Variants in PLPPR1 observed in about 807,000 individuals in gnomAD.
PLPPR1 encodes phospholipid phosphatase-related protein type 1.
PLPPR1 carries 10 observed loss-of-function variants against 33.1 expected under a neutral mutation model. The observed-to-expected ratio is 0.30, with a 90% confidence interval of 0.19 to 0.51. The LOEUF is 0.51. PLPPR1 is among the 20% of genes least tolerant of loss of function. PLPPR1 has a pLI of 0.97. For synonymous variants in PLPPR1, 151 were observed against 151.0 expected (o/e 1.00, Z 0.00); for missense variants, 304 against 408.1 (o/e 0.74, Z 2.20).
intron 7 of PLPPR1, among the ~76,000 whole-genome samples, chr9:101,319,420 T>G (rs1022280099): frequency 1.3e-5 from 2 of 152,160 alleles, no homozygotes; most frequent in Non-Finnish European, 2.9e-5. Flanking sequence ...CTTTTTACCT[T>G]TAATTAAATC....
At chr9:101,182,822 C>A (rs779599343) in intron 1 of PLPPR1, among the ~76,000 whole-genome samples, 2 of 151,478 alleles carry the variant, frequency 1.3e-5, no homozygotes, top group Non-Finnish European at 3.0e-5. Context: ...AACAACCCAA[C>A]CACAAAAGGT....
chr9:101,252,037 C>T (rs2118866786), intron 2 of PLPPR1, among the ~76,000 whole-genome samples: 1 of 152,192 alleles, frequency 6.6e-6, no homozygotes, highest in Admixed American at 6.5e-5. Context: ...TTATATATTA[C>T]AATATTCTAT....
intron 5 of PLPPR1, among the ~76,000 whole-genome samples, chr9:101,311,536 G>A (rs1828956025): frequency 6.6e-6 from 1 of 152,176 alleles, no homozygotes; most frequent in Non-Finnish European, 1.5e-5. Context: ...ATAATAGCAT[G>A]AACAACTGAA....
chr9:101,230,025 C>T (rs996091959), intron 2 of PLPPR1, among the ~76,000 whole-genome samples: 1 of 152,120 alleles, frequency 6.6e-6, no homozygotes, highest in African/African-American at 2.4e-5. Context: ...CTCCATGTCA[C>T]ACTGTCAGAG....
At position 101,076,076 on chromosome 9, in the gene PLPPR1, G is replaced by T. The variant is rs541664596; in HGVS notation, c.-46+46974G>T. ...AGCAGGTACAGCAGTGGTTCTCAAA[G>T]TGCAGTCACTGGACCAGCAGCATCA... On this transcript the variant is annotated intron_variant, in intron 1 of 7. Transcript: ENST00000374874. 2.0e-5 allele frequency among the ~76,000 whole-genome samples: 3 copies of T among 152,248 alleles called. No homozygotes were observed. In the South Asian group the frequency reaches 6.2e-4, roughly 32 times the overall value.
intron 3 of PLPPR1, among the ~76,000 whole-genome samples, chr9:101,278,175 A>G (rs967711191): frequency 4.6e-5 from 7 of 152,232 alleles, no homozygotes; most frequent in Non-Finnish European, 1.0e-4. Context: ...TCCTTAAAAT[A>G]CAAAATTATA....
intron 1 of PLPPR1, among the ~76,000 whole-genome samples, chr9:101,128,311 T>C (rs1228181717): frequency 6.6e-6 from 1 of 152,238 alleles, no homozygotes; most frequent in African/African-American, 2.4e-5. Flanking sequence ...TGTATCTTTA[T>C]AGATTTTTGT....
intron 1 of PLPPR1, among the ~76,000 whole-genome samples, chr9:101,088,060 C>A (rs1204221975): frequency 6.6e-6 from 1 of 152,088 alleles, no homozygotes; most frequent in Non-Finnish European, 1.5e-5. Flanking sequence ...AGAAGAGGAC[C>A]CTTACTGATA....
chr9:101,311,337 T>C (rs1366945378), intron 5 of PLPPR1, among the ~76,000 whole-genome samples: 3 of 152,210 alleles, frequency 2.0e-5, no homozygotes, highest in African/African-American at 7.2e-5. Flanking sequence ...TAAACCCTGA[T>C]ATAAGATTCC....
intron 1 of PLPPR1, among the ~76,000 whole-genome samples, chr9:101,146,756 T>A (rs754340263): frequency 1.1e-4 from 17 of 152,206 alleles, no homozygotes; most frequent in Non-Finnish European, 2.1e-4. Flanking sequence ...TTCTCAGTGA[T>A]GACACAGGCC....
intron 7 of PLPPR1, among the ~76,000 whole-genome samples, chr9:101,320,181 G>A (rs1383319961): frequency 6.6e-6 from 1 of 152,212 alleles, no homozygotes; most frequent in African/African-American, 2.4e-5. Context: ...TCTCAAACCT[G>A]TCAACAGATC....
chr9:101,111,049 A>T (rs1362722759), intron 1 of PLPPR1, among the ~76,000 whole-genome samples: 1 of 152,146 alleles, frequency 6.6e-6, no homozygotes, highest in East Asian at 1.9e-4. Flanking sequence ...GTCATAAAGG[A>T]ATATTAATCA....
chr9:101,150,239 A>G (rs1263399784), intron 1 of PLPPR1, among the ~76,000 whole-genome samples: 1 of 151,998 alleles, frequency 6.6e-6, no homozygotes, highest in East Asian at 1.9e-4. Flanking sequence ...TTTGAGATTT[A>G]TTTGTAGAAT....
intron 3 of PLPPR1, among the ~76,000 whole-genome samples, chr9:101,277,271 C>T (rs1160237114): frequency 6.6e-6 from 1 of 152,188 alleles, no homozygotes; most frequent in African/African-American, 2.4e-5. Flanking sequence ...ATATAAAGAA[C>T]TCTCTCCTCT....
intron 4 of PLPPR1, among the ~76,000 whole-genome samples, chr9:101,306,723 C>A (rs146520006): frequency 1.3e-5 from 2 of 152,122 alleles, no homozygotes; most frequent in African/African-American, 4.8e-5. Flanking sequence ...TGAAAAATAT[C>A]TATTAAAAAA....
At position 101,091,849 on chromosome 9, in the gene PLPPR1, T is replaced by C. The variant is rs184055479; in HGVS notation, c.-46+62747T>C. ...TCCAGTTTCCTTTTCCTTTCTTGTC[T>C]TGACTTGCAATTCGGATCTCATCAA... On this transcript the variant is annotated intron_variant, in intron 1 of 7. Transcript: ENST00000374874. Among the ~76,000 whole-genome samples the C allele has an allele frequency of 2.6e-5, 4 of 152,358 alleles. No individual in the cohort carries two copies. The East Asian group carries it at 7.7e-4, about 29-fold the overall frequency.
chr9:101,185,481 A>C lies in PLPPR1; in HGVS notation c.-14A>C, dbSNP rs766404145. ...CAGTTTTTGACGGTGCAGTCTTGCT[A>C]TATGGTGTGAGAAATGGCTGTAGGA... On this transcript the variant is annotated 5_prime_UTR_variant, in exon 2 of 8. Coordinates refer to ENST00000374874, the MANE Select transcript of PLPPR1 (RefSeq NM_207299.2). The C allele has an allele frequency of 6.3e-7, 1 of 1,579,314 alleles. No homozygotes were observed. The highest frequency in any genetic ancestry group is 1.4e-5 in the African/African-American group (1 of 74,008).
rs368494377 is a variant in PLPPR1 at position 101,309,257 on chromosome 9, C to T, written c.432C>T (p.Ala144=). 3.9e-5 allele frequency: 63 copies of T among 1,613,954 alleles called. No individual in the cohort carries two copies. In the African/African-American group the frequency reaches 6.5e-4, roughly 17 times the overall value. The change falls in exon 5 of 8, where the codon GCC becomes GCT. Residue 144 remains alanine, a synonymous_variant. Coordinates refer to ENST00000374874, the MANE Select transcript of PLPPR1 (RefSeq NM_207299.2). ...GLFATDIFVN[A]GQVVTGHLTP... ...TTGCTACTGACATTTTTGTAAACGC[C>T]GGACAAGTGGTCACTGGGCACTTAA...
At chr9:101,249,788 C>T (rs959355256) in intron 2 of PLPPR1, among the ~76,000 whole-genome samples, 9 of 152,022 alleles carry the variant, frequency 5.9e-5, no homozygotes, top group African/African-American at 1.9e-4. Context: ...AACTGGTCTT[C>T]GCTCTGGAGA....
Sources: gnomAD v4.1 joint callset for allele counts (sites outside exome capture counted in the v4.1 genomes callset) on GRCh38, gnomAD v4.1.1 for gene constraint, MANE v1.5 for transcripts, NCBI Gene and HGNC (gene_info 2026-07-23, HGNC 2026-07-21) for gene names.